Variants in CNTN5 observed in about 807,000 individuals in gnomAD.
CNTN5 encodes contactin-5.
Under a neutral mutation model 129.1 loss-of-function variants are expected in CNTN5, and 77 were observed. The ratio of observed to expected loss-of-function variants is 0.60; its 90% CI spans 0.50 to 0.72. CNTN5 has a LOEUF of 0.72. Ranked by LOEUF, CNTN5 falls within the 30% of genes least tolerant of loss-of-function variation. The probability of loss-of-function intolerance (pLI) is 0.00; values close to 1 mark genes in which losing one functional copy is unlikely to be tolerated. For missense variants in CNTN5, 1,478 were observed against 1,328.8 expected (o/e 1.11, Z -1.75); for synonymous variants, 509 against 465.6 (o/e 1.09, Z -1.20).
chr11:100,300,376 A>G (rs1458521103), intron 20 of CNTN5, among the ~76,000 whole-genome samples: 1 of 151,454 alleles, frequency 6.6e-6, no homozygotes, highest in African/African-American at 2.4e-5. Context: ...GAGAAAAGGA[A>G]AAGACAGCCT....
intron 1 of CNTN5, among the ~76,000 whole-genome samples, chr11:99,184,229 T>C (rs964017429): frequency 2.0e-5 from 3 of 152,130 alleles, no homozygotes; most frequent in African/African-American, 7.2e-5. Context: ...TACTCTTCTT[T>C]GCTTATCTGT....
chr11:99,580,398 A>T (rs1290086447), intron 3 of CNTN5, among the ~76,000 whole-genome samples: 1 of 152,198 alleles, frequency 6.6e-6, no homozygotes, highest in Non-Finnish European at 1.5e-5. Context: ...TAGTTTCAGA[A>T]GGAATGGTAC....
At chr11:99,968,656 C>CTCT (rs1951161575) in intron 8 of CNTN5, among the ~76,000 whole-genome samples, 11 of 73,908 alleles carry the variant, frequency 1.5e-4, no homozygotes, top group African/African-American at 4.3e-4. Context: ...GCTTTGGGTA[C>CTCT]TTTTTTTTTT....
intron 3 of CNTN5, among the ~76,000 whole-genome samples, chr11:99,682,460 A>G (rs2134723612): frequency 6.6e-6 from 1 of 152,114 alleles, no homozygotes; most frequent in African/African-American, 2.4e-5. Flanking sequence ...GACTATATAA[A>G]CTATAAATAC....
intron 3 of CNTN5, among the ~76,000 whole-genome samples, chr11:99,625,915 TATATATATACACAC>T (rs200774650): frequency 0.16 from 8,175 of 50,956 alleles, 220 homozygotes; most frequent in South Asian, 0.3. Context: ...TATATATATA[TATATATATACACAC>T]ACACACACAC....
At chr11:99,939,874 C>G (rs912484848) in intron 7 of CNTN5, among the ~76,000 whole-genome samples, 3 of 152,112 alleles carry the variant, frequency 2.0e-5, no homozygotes, top group Non-Finnish European at 4.4e-5. Flanking sequence ...GTATTGTGTT[C>G]TGCTCTTAAA....
chr11:100,072,515 T>G (rs895025076), intron 12 of CNTN5, among the ~76,000 whole-genome samples: 2 of 152,220 alleles, frequency 1.3e-5, no homozygotes, highest in Non-Finnish European at 2.9e-5. Context: ...CTTTGATTTT[T>G]TCCTAAACTG....
At chr11:100,210,174 CAAAAAAA>C (rs59613776) in intron 15 of CNTN5, among the ~76,000 whole-genome samples, 4 of 81,114 alleles carry the variant, frequency 4.9e-5, no homozygotes, top group Non-Finnish European at 1.1e-4. Context: ...TGCCTCTATA[CAAAAAAA>C]AAAAAAAAAA....
intron 21 of CNTN5, among the ~76,000 whole-genome samples, chr11:100,317,098 G>C (rs907343841): frequency 1.3e-5 from 2 of 152,170 alleles, no homozygotes; most frequent in Admixed American, 6.5e-5. Flanking sequence ...GCACTGAAAG[G>C]ACAGCAATTG....
intron 2 of CNTN5, among the ~76,000 whole-genome samples, chr11:99,493,435 T>C (rs540768917): frequency 6.6e-6 from 1 of 152,356 alleles, no homozygotes; most frequent in East Asian, 1.9e-4. Flanking sequence ...AGGTCAGTTA[T>C]TGAGTATCGA....
At chr11:99,697,234 C>T (rs1160998563) in intron 3 of CNTN5, among the ~76,000 whole-genome samples, 2 of 151,692 alleles carry the variant, frequency 1.3e-5, no homozygotes, top group African/African-American at 4.8e-5. Context: ...CAACATAACT[C>T]TTCTGTGTGT....
intron 15 of CNTN5, among the ~76,000 whole-genome samples, chr11:100,204,297 A>AT (rs1555039166): frequency 0.019 from 335 of 17,642 alleles, 38 homozygotes; most frequent in Admixed American, 0.047. Context: ...AACATTGACT[A>AT]ATATATATAT....
At chr11:100,036,836 T>C (rs1324269613) in intron 9 of CNTN5, among the ~76,000 whole-genome samples, 4 of 147,754 alleles carry the variant, frequency 2.7e-5, no homozygotes, top group Admixed American at 1.3e-4. Context: ...GAGACTTTGC[T>C]GAAGTTGCTT....
intron 1 of CNTN5, among the ~76,000 whole-genome samples, chr11:99,263,589 GA>G (rs1862745151): frequency 1.3e-5 from 2 of 151,984 alleles, no homozygotes; most frequent in East Asian, 1.9e-4. Context: ...TGCTTTGGGG[GA>G]AAAAGGGAGA....
intron 3 of CNTN5, among the ~76,000 whole-genome samples, chr11:99,791,276 G>C (rs560674158): frequency 6.6e-6 from 1 of 152,046 alleles, no homozygotes; most frequent in South Asian, 2.1e-4. Flanking sequence ...AATAATTTTA[G>C]GTTTTGCATT....
At chr11:99,582,523 T>G (rs7113035) in intron 3 of CNTN5, among the ~76,000 whole-genome samples, 2 of 152,150 alleles carry the variant, frequency 1.3e-5, no homozygotes, top group African/African-American at 4.8e-5. Flanking sequence ...CTTTGTTCAT[T>G]TCTTTTTATT....
At chr11:99,370,011 A>C (rs1939730887) in intron 2 of CNTN5, among the ~76,000 whole-genome samples, 1 of 152,160 alleles carries the variant, frequency 6.6e-6, no homozygotes, top group Non-Finnish European at 1.5e-5. Flanking sequence ...CTGGGACCTA[A>C]ATCTACCAGG....
chr11:99,581,964 C>A (rs573191516), intron 3 of CNTN5, among the ~76,000 whole-genome samples: 1 of 151,902 alleles, frequency 6.6e-6, no homozygotes, highest in African/African-American at 2.4e-5. Context: ...TGGCTGGTAC[C>A]AGTTGTTCCT....
chr11:99,975,904 C>T (rs1431574268), intron 8 of CNTN5, among the ~76,000 whole-genome samples: 2 of 152,116 alleles, frequency 1.3e-5, no homozygotes, highest in Non-Finnish European at 2.9e-5. Flanking sequence ...TAACTTATTC[C>T]AGCATTACTC....
Sources: gnomAD v4.1 joint callset for allele counts (sites outside exome capture counted in the v4.1 genomes callset) on GRCh38, gnomAD v4.1.1 for gene constraint, MANE v1.5 for transcripts, NCBI Gene and HGNC (gene_info 2026-07-23, HGNC 2026-07-21) for gene names.